CCP110: variants seen among roughly 807,000 people sequenced by gnomAD.
The protein encoded by CCP110 is centriolar coiled-coil protein 110, also known as centriolar coiled-coil protein of 110 kDa.
A neutral mutation model predicts 105.5 loss-of-function variants in CCP110; 43 were observed. The ratio of observed to expected loss-of-function variants is 0.41; its 90% confidence interval spans 0.32 to 0.53. The LOEUF (loss-of-function observed/expected upper bound fraction) is 0.53. CCP110 is among the 20% of genes least tolerant of loss of function. The pLI, the probability that CCP110 is intolerant of heterozygous loss-of-function variation, is 0.32. For missense variants in CCP110, 1,016 were observed against 1,189.1 expected, an observed-to-expected ratio of 0.85 and a Z score of 2.14; for synonymous variants, 353 against 392.1, an observed-to-expected ratio of 0.90 and a Z score of 1.18.
intron 4 of CCP110, among the ~76,000 whole-genome samples, chr16:19,538,371 G>A (rs1161941454): frequency 7.3e-6 from 1 of 137,094 alleles, no homozygotes; most frequent in Non-Finnish European, 1.5e-5. Context: ...GTGCAGTGGC[G>A]GGTTCTCACC....
intron 4 of CCP110, 25 bp downstream of exon 4, chr16:19,537,612 T>A: frequency 7.7e-7 from 1 of 1,299,000 alleles, no homozygotes; most frequent in Non-Finnish European, 1.1e-6. Context: ...AAGCGTTTGA[T>A]ACCTTCTATG....
At position 19,532,397 on chromosome 16, in the gene CCP110, T is replaced by C. The variant is rs546790263; in HGVS notation, c.142-19T>C. The C allele has an allele frequency of 6.4e-7, 1 of 1,563,800 alleles. No homozygotes were observed. Among genetic ancestry groups the C allele is most frequent in the East Asian group, 2.3e-5 (1 of 44,334 alleles). ...ATTTTTATCGTGGGAAATAATTACATTTTTATGATGTTTTGCAGCTTAACA... is the reference window on the plus strand; with the variant it reads ...ATTTTTATCGTGGGAAATAATTACACTTTTATGATGTTTTGCAGCTTAACA... On this transcript the variant is annotated intron_variant, in intron 2 of 14. Coordinates refer to ENST00000381396, the Ensembl canonical transcript of CCP110.
exon 4 of CCP110, chr16:19,537,372 T>C (rs1970110438): frequency 6.2e-7 from 1 of 1,606,516 alleles, no homozygotes; most frequent in Admixed American, 1.7e-5. Context: ...GACACACCTA[T>C]GGTGTCCTGT....
chr16:19,546,654 A>G, intron 12 of CCP110, 180 bp downstream of exon 12: 1 of 425,546 alleles, frequency 2.3e-6, no homozygotes, highest in Non-Finnish European at 4.3e-6. Flanking sequence ...CATCTCTACT[A>G]AAAATACAAA....
chr16:19,533,395 C>T (rs928313037), intron 3 of CCP110, among the ~76,000 whole-genome samples: 1 of 151,770 alleles, frequency 6.6e-6, no homozygotes, highest in Admixed American at 6.6e-5. Context: ...GAATCTGTGG[C>T]TTATGCTTTT....
chr16:19,552,714 G>A lies in CCP110; in HGVS notation c.*1466G>A, dbSNP rs547953360. On this transcript the variant is annotated 3_prime_UTR_variant, in exon 15 of 15. Coordinates refer to ENST00000381396, the Ensembl canonical transcript of CCP110. ...AAAGAGATACTGGTATTTTGAAAAT[G>A]CAACCTATATATATTCTTAATATCC... is the stretch of plus-strand genomic sequence containing the variant. The A allele has an allele frequency of 4.6e-5, 7 of 152,168 alleles. No homozygotes were observed. The South Asian group carries it at 6.2e-4, about 14-fold the overall frequency. The allele number at this position is 152,168 out of a possible 1,614,324, so 9.4% of individuals were successfully genotyped here. A position where few individuals can be genotyped will look rare whatever the true frequency, so the allele number is the denominator to read the frequency against.
At position 19,548,739 on chromosome 16, in the gene CCP110, T is replaced by A; in HGVS notation, c.2986+139T>A. The stretch of plus-strand genomic sequence containing the variant: ...GGCATATTCACAGTCATCTTATTAG[T>A]GTTCTTTGGTCTTAGCATTGTATGG... On this transcript the variant is annotated intron_variant, in intron 14 of 14. Coordinates refer to ENST00000381396, the Ensembl canonical transcript of CCP110. The surrounding 1 kb of genome is among the most constrained non-coding windows in gnomAD (Gnocchi z 4.1). 1 of 575,652 alleles carries A rather than the reference T, an allele frequency of 1.7e-6. No homozygotes were observed. The allele number at this position is 575,652 out of a possible 1,614,324, so 35.7% of individuals were successfully genotyped here. A position where few individuals can be genotyped will look rare whatever the true frequency, so the allele number is the denominator to read the frequency against.
At chr16:19,530,818 ATGG>A (rs1339559246) in intron 2 of CCP110, among the ~76,000 whole-genome samples, 4 of 150,656 alleles carry the variant, frequency 2.7e-5, no homozygotes, top group African/African-American at 9.8e-5. Flanking sequence ...GCTAGGCATG[ATGG>A]TGGGTGCCTG....
At chr16:19,552,155 A>G (rs1314729205) in exon 15 of CCP110, 4 of 152,176 alleles carry the variant, frequency 2.6e-5, no homozygotes, top group South Asian at 2.1e-4. Context: ...AGATTTCCGG[A>G]TAAGAATATT....
At chr16:19,537,561 A>G in exon 4 of CCP110, 2 of 1,578,514 alleles carry the variant, frequency 1.3e-6, no homozygotes, top group African/African-American at 1.4e-5. Context: ...GTTAACAAGA[A>G]TAAAATGTTA....
intron 8 of CCP110, among the ~76,000 whole-genome samples, chr16:19,543,478 A>AGTGTGTT (rs1970357912): frequency 6.6e-6 from 1 of 152,186 alleles, no homozygotes. Flanking sequence ...TGTTTGAACA[A>AGTGTGTT]TAGGAAATCA....
intron 2 of CCP110, among the ~76,000 whole-genome samples, chr16:19,529,079 A>G (rs1042053028): frequency 4.6e-5 from 7 of 152,220 alleles, no homozygotes; most frequent in Non-Finnish European, 1.0e-4. Flanking sequence ...CCTACCTCAT[A>G]AGGCTATTTT....
At chr16:19,543,710 G>A (rs1970366780) in intron 8 of CCP110, among the ~76,000 whole-genome samples, 1 of 152,116 alleles carries the variant, frequency 6.6e-6, no homozygotes, top group Non-Finnish European at 1.5e-5. Flanking sequence ...CTGGGGGGAG[G>A]TATATAAACG....
At chr16:19,542,021 G>C (rs367843363) in exon 6 of CCP110, 36 of 1,603,578 alleles carry the variant, frequency 2.2e-5, no homozygotes, top group African/African-American at 1.7e-4. Context: ...AAACAATGCT[G>C]TCTCAAGCGG....
At chr16:19,537,355 G>A in exon 4 of CCP110, 1 of 1,612,992 alleles carries the variant, frequency 6.2e-7, no homozygotes, top group Non-Finnish European at 8.5e-7. Context: ...ATACGAGACA[G>A]CAGATGGACA....
chr16:19,537,212 G>A, exon 4 of CCP110: 1 of 1,614,170 alleles, frequency 6.2e-7, no homozygotes, highest in Non-Finnish European at 8.5e-7. Flanking sequence ...TCAGTGTATA[G>A]CAAGTCCAAA....
chr16:19,534,007 A>G (rs1327979004), intron 3 of CCP110, among the ~76,000 whole-genome samples: 1 of 152,192 alleles, frequency 6.6e-6, no homozygotes, highest in African/African-American at 2.4e-5. Flanking sequence ...AAAGAGAACA[A>G]TCTAGACGCA....
chr16:19,536,167 A>C, exon 4 of CCP110: 4 of 1,613,984 alleles, frequency 2.5e-6, no homozygotes, highest in Non-Finnish European at 3.4e-6. Context: ...GAGATTCAGA[A>C]GGATTTAATT....
intron 5 of CCP110, 80 bp downstream of exon 5, chr16:19,540,867 A>G: frequency 2.3e-6 from 3 of 1,321,302 alleles, no homozygotes; most frequent in Admixed American, 2.5e-5. Flanking sequence ...TGTATAGAAT[A>G]CGTGTAATTT....
Sources: allele counts gnomAD v4.1 joint callset (sites outside exome capture counted in the v4.1 genomes callset), GRCh38; gene constraint gnomAD v4.1.1; non-coding constraint Gnocchi (gnomAD v3.1); transcripts MANE v1.5; gene names NCBI Gene and HGNC (gene_info 2026-07-23, HGNC 2026-07-21).